BCO1: variants seen among roughly 807,000 people sequenced by gnomAD.
The protein encoded by BCO1 is beta-carotene oxygenase 1, also known as beta,beta-carotene 15,15'-dioxygenase.
BCO1 carries 54 observed loss-of-function variants against 56.3 expected under a neutral mutation model. The ratio of observed to expected loss-of-function variants is 0.96; its 90% CI spans 0.77 to 1.20. BCO1 has a LOEUF of 1.20. Ranked by LOEUF, BCO1 falls within the 50% of genes most tolerant of loss-of-function variation. The probability of loss-of-function intolerance (pLI) is 0.00; values close to 1 mark genes in which losing one functional copy is unlikely to be tolerated. For synonymous variants in BCO1, 318 were observed against 266.1 expected (o/e 1.20, Z -1.90); for missense variants, 801 against 690.9 (o/e 1.16, Z -1.79).
intron 7 of BCO1, among the ~76,000 whole-genome samples, chr16:81,273,730 G>C: frequency 6.6e-6 from 1 of 151,180 alleles, no homozygotes; most frequent in Non-Finnish European, 1.5e-5. Flanking sequence ...GGCAATGCTT[G>C]CTGCACAGAG....
chr16:81,284,371 A>G (rs952305994), intron 8 of BCO1, among the ~76,000 whole-genome samples: 5 of 151,846 alleles, frequency 3.3e-5, no homozygotes, highest in East Asian at 1.9e-4. Flanking sequence ...AAAATTTCAC[A>G]TAATGAGAAA....
At chr16:81,274,722 G>T (rs1352049925) in intron 7 of BCO1, among the ~76,000 whole-genome samples, 3 of 152,080 alleles carry the variant, frequency 2.0e-5, no homozygotes, top group South Asian at 4.1e-4. Flanking sequence ...TGCTAAAAAT[G>T]TAAAAATTAG....
chr16:81,269,612 C>G (rs552748583), intron 6 of BCO1, among the ~76,000 whole-genome samples: 3 of 152,294 alleles, frequency 2.0e-5, no homozygotes, highest in East Asian at 1.9e-4. Flanking sequence ...GGATTACAGG[C>G]AAGTGCCACC....
chr16:81,281,908 C>G (rs1457533118), intron 8 of BCO1, among the ~76,000 whole-genome samples: 2 of 152,266 alleles, frequency 1.3e-5, no homozygotes, highest in East Asian at 3.8e-4. Context: ...TGATGGAGAA[C>G]TTCTGCCCCA....
intron 2 of BCO1, among the ~76,000 whole-genome samples, chr16:81,250,878 G>A (rs1193191380): frequency 1.3e-5 from 2 of 152,112 alleles, no homozygotes; most frequent in African/African-American, 2.4e-5. Flanking sequence ...ACCGCGTCTG[G>A]CCATTCAGTA....
intron 8 of BCO1, among the ~76,000 whole-genome samples, chr16:81,282,603 G>A (rs1418480676): frequency 6.6e-6 from 1 of 151,384 alleles, no homozygotes; most frequent in Non-Finnish European, 1.5e-5. Flanking sequence ...CTTTAGAAAT[G>A]AATCAATAGA....
intron 7 of BCO1, among the ~76,000 whole-genome samples, chr16:81,272,075 A>G (rs1907255752): frequency 6.9e-6 from 1 of 145,478 alleles, no homozygotes; most frequent in African/African-American, 2.6e-5. Context: ...ATGGATTAAT[A>G]GGTACATACT....
intron 2 of BCO1, among the ~76,000 whole-genome samples, chr16:81,258,693 T>G (rs1419479423): frequency 6.6e-6 from 1 of 152,238 alleles, no homozygotes; most frequent in Non-Finnish European, 1.5e-5. Flanking sequence ...TTCCTTCCTA[T>G]GGAAAATGGA....
chr16:81,249,164 C>T (rs975268411), intron 2 of BCO1, among the ~76,000 whole-genome samples: 1 of 148,618 alleles, frequency 6.7e-6, no homozygotes, highest in Non-Finnish European at 1.5e-5. Context: ...AATCTCGGCT[C>T]ACTGCAACCT....
intron 2 of BCO1, among the ~76,000 whole-genome samples, chr16:81,248,405 C>CAAA (rs372084002): frequency 0.015 from 1,490 of 102,520 alleles, 29 homozygotes; most frequent in South Asian, 0.023. Context: ...CTCCCTCTCA[C>CAAA]AAAAAAAAAA....
At chr16:81,289,077 G>A (rs537832355) in intron 10 of BCO1, among the ~76,000 whole-genome samples, 4 of 152,318 alleles carry the variant, frequency 2.6e-5, no homozygotes, top group Admixed American at 2.6e-4. Flanking sequence ...GGGATGCTCA[G>A]AGAGTGACCT....
At chr16:81,279,711 A>G (rs1411178942) in intron 7 of BCO1, among the ~76,000 whole-genome samples, 1 of 152,210 alleles carries the variant, frequency 6.6e-6, no homozygotes, top group Non-Finnish European at 1.5e-5. Flanking sequence ...ATGCTCAATA[A>G]ATATTTAATC....
chr16:81,241,052 G>A (rs553760924), intron 1 of BCO1, among the ~76,000 whole-genome samples: 146 of 152,126 alleles, frequency 9.6e-4, no homozygotes, highest in South Asian at 7.5e-3. Context: ...CAGGCTGGTC[G>A]CAAACTCCCA....
Position 81,272,095 on chromosome 16 carries a change from A to G in BCO1, c.1101+1679A>G, listed in dbSNP as rs892713441. Among the ~76,000 whole-genome samples the G allele has an allele frequency of 2.1e-5, 3 of 141,808 alleles. 1 individual carries two copies. Among genetic ancestry groups the G allele is most frequent in the Non-Finnish European group, 4.6e-5 (3 of 65,754 alleles). 93.0% of individuals were successfully genotyped at this position (141,808 alleles called of 152,430 possible). ...TTAATAGGTACATACTATCTTACAG[A>G]CTGCTTTTCTTTTCTTTCTTTTTTT... On this transcript the variant is annotated intron_variant, in intron 7 of 10. Coordinates refer to ENST00000258168, the MANE Select transcript of BCO1 (RefSeq NM_017429.3).
Position 81,290,892 on chromosome 16 carries a change from C to T in BCO1, c.*315C>T. 3.7e-6 allele frequency: 1 copy of T among 272,720 alleles called. No homozygotes were observed. The highest frequency in any genetic ancestry group is 7.0e-6 in the Non-Finnish European group (1 of 143,546). 16.9% of individuals were successfully genotyped at this position (272,720 alleles called of 1,614,324 possible). On this transcript the variant is annotated 3_prime_UTR_variant, in exon 11 of 11. Transcript: ENST00000258168. The stretch of plus-strand genomic sequence containing the variant: ...AGATTGTATTCAATGACATTATCAT[C>T]ATTTTTAGAACGAGCCACTAACCTA...
chr16:81,247,042 G>A (rs1372456965), intron 2 of BCO1, among the ~76,000 whole-genome samples: 1 of 152,062 alleles, frequency 6.6e-6, no homozygotes, highest in Non-Finnish European at 1.5e-5. Flanking sequence ...CTCATGAGGT[G>A]GGATGTAAAT....
chr16:81,267,930 C>A lies in BCO1; in HGVS notation c.642C>A (p.Ser214Arg). The A allele has an allele frequency of 6.2e-7, 1 of 1,613,848 alleles. No homozygotes were observed. The highest frequency in any genetic ancestry group is 1.3e-5 in the African/African-American group (1 of 74,984). Residue 214 changes from serine to arginine, a missense_variant, in exon 6 of 11, where the codon AGC becomes AGA. Transcript: ENST00000258168. ...TAGAGGGCAAGAAGCAGGGGAAGAG[C>A]CCCTGGAAGCACACAGAGGTGTTCT... ...TVPEGKKQGKSPWKHTEVFCS... is the reference protein window; with the variant it reads ...TVPEGKKQGKRPWKHTEVFCS...
chr16:81,261,140 CACCA>C, intron 3 of BCO1, among the ~76,000 whole-genome samples: 1 of 152,126 alleles, frequency 6.6e-6, no homozygotes, highest in Non-Finnish European at 1.5e-5. Context: ...AATTTAAAAC[CACCA>C]TACTTACCTG....
intron 4 of BCO1, chr16:81,262,854 A>C (rs1191770626): frequency 1.3e-5 from 2 of 155,316 alleles, no homozygotes; most frequent in Non-Finnish European, 2.8e-5. Context: ...AAAAAAAAAA[A>C]AACAAGACAA....
Sources: allele counts gnomAD v4.1 joint callset (sites outside exome capture counted in the v4.1 genomes callset), GRCh38; gene constraint gnomAD v4.1.1; transcripts MANE v1.5; gene names NCBI Gene and HGNC (gene_info 2026-07-23, HGNC 2026-07-21).